Variants in CCDC66 observed in about 807,000 individuals in gnomAD.
CCDC66 encodes the protein coiled-coil domain-containing protein 66.
A neutral mutation model predicts 128.3 loss-of-function variants in CCDC66; 133 were observed. That is an observed-to-expected ratio of 1.04 (90% CI 0.90 to 1.20). The LOEUF (loss-of-function observed/expected upper bound fraction) is 1.20, where lower values mean the gene tolerates loss of function less well. Ranked by LOEUF, CCDC66 falls within the 50% of genes most tolerant of loss-of-function variation. CCDC66 has a pLI of 0.00. For synonymous variants in CCDC66, 387 were observed against 357.0 expected (o/e 1.08, Z -0.95); for missense variants, 1,126 against 1,075.5 (o/e 1.05, Z -0.66).
At chr3:56,583,414 G>T (rs1386281182) in intron 7 of CCDC66, among the ~76,000 whole-genome samples, 3 of 151,894 alleles carry the variant, frequency 2.0e-5, no homozygotes, top group Non-Finnish European at 4.4e-5. Flanking sequence ...GTGAACAAAG[G>T]TCTCTGGTTC....
At chr3:56,582,371 C>T (rs190409596) in intron 7 of CCDC66, among the ~76,000 whole-genome samples, 2 of 151,776 alleles carry the variant, frequency 1.3e-5, no homozygotes, top group East Asian at 2.0e-4. Context: ...CAGGGTGAGG[C>T]GATGCCCCAC....
At chr3:56,593,460 A>G (rs2071298797) in intron 8 of CCDC66, 31 bp from the exon 9 acceptor site, 2 of 1,602,146 alleles carry the variant, frequency 1.2e-6, no homozygotes, top group South Asian at 1.1e-5. Flanking sequence ...AATTGGAAAA[A>G]TTCTTAGCAA....
chr3:56,621,612 A>AT lies in CCDC66; in HGVS notation c.2845dup (p.Ter949LeufsTer11). The AT allele has an allele frequency of 6.3e-7, 1 of 1,594,564 alleles. No individual in the cohort carries two copies. The highest frequency in any genetic ancestry group is 8.5e-7 in the Non-Finnish European group (1 of 1,170,488). On this transcript the variant is annotated frameshift_variant, in exon 18 of 18. Transcript: ENST00000394672. LOFTEE classifies it high-confidence loss of function. The stretch of plus-strand genomic sequence containing the variant: ...ATCAAGAAGAGAGTTTTGGTTCTTC[A>AT]TTTTAAATGTAGAAAATCAAATCCT...
intron 7 of CCDC66, among the ~76,000 whole-genome samples, chr3:56,587,818 G>A (rs1345510270): frequency 3.9e-5 from 6 of 152,070 alleles, no homozygotes; most frequent in African/African-American, 7.2e-5. Context: ...GCAGTGAGCC[G>A]AGATCGCACC....
At chr3:56,567,710 T>C (rs1431662330) in intron 6 of CCDC66, among the ~76,000 whole-genome samples, 3 of 152,006 alleles carry the variant, frequency 2.0e-5, no homozygotes, top group African/African-American at 7.3e-5. Flanking sequence ...TTTTGTTTTT[T>C]GAGATGGGGT....
intron 10 of CCDC66, among the ~76,000 whole-genome samples, chr3:56,599,570 T>A (rs2072776444): frequency 6.6e-6 from 1 of 152,016 alleles, no homozygotes; most frequent in African/African-American, 2.4e-5. Context: ...CTGTATCCCA[T>A]AGGTTTTGGT....
intron 10 of CCDC66, among the ~76,000 whole-genome samples, chr3:56,612,356 T>A (rs1190716980): frequency 5.3e-5 from 8 of 152,146 alleles, no homozygotes; most frequent in African/African-American, 1.9e-4. Flanking sequence ...TGTGGTAAAG[T>A]TTTGTTGTGA....
intron 3 of CCDC66, chr3:56,561,113 C>T (rs1444885592): frequency 2.3e-6 from 1 of 430,796 alleles, no homozygotes; most frequent in East Asian, 7.0e-5. Context: ...TCACAGACTA[C>T]AGATTGTATG....
chr3:56,597,745 A>T, intron 10 of CCDC66, among the ~76,000 whole-genome samples: 1 of 122,144 alleles, frequency 8.2e-6, no homozygotes, highest in East Asian at 2.6e-4. Context: ...ATCAGATGTG[A>T]GGTTTTTGTG....
Position 56,576,727 on chromosome 3 carries a change from G to GA in CCDC66, c.936+5426dup, listed in dbSNP as rs1162613422. The stretch of plus-strand genomic sequence containing the variant: ...CAGCTTCATCCATGTCCCTACAAAG[G>GA]ACATGAACTCATCTTTTTTATGGCT... On this transcript the variant is annotated intron_variant, in intron 7 of 17. Transcript: ENST00000394672. 1.3e-5 allele frequency among the ~76,000 whole-genome samples: 2 copies of GA among 151,570 alleles called. 1 individual carries two copies. Among genetic ancestry groups the GA allele is most frequent in the East Asian group, 4.0e-4 (2 of 5,014 alleles).
Position 56,557,202 on chromosome 3 carries a change from A to G in CCDC66, c.-41A>G, listed in dbSNP as rs1193761998. On this transcript the variant is annotated 5_prime_UTR_variant, in exon 1 of 18. Coordinates refer to ENST00000394672, the MANE Select transcript of CCDC66 (RefSeq NM_001141947.3). The stretch of plus-strand genomic sequence containing the variant: ...GCGGCGGCGGCAACCGACGTACACA[A>G]GGGGCTTGAGCGTTCTGTGGAGAGA... The G allele has an allele frequency of 1.9e-6, 3 of 1,551,160 alleles. No individual in the cohort carries two copies. The highest frequency in any genetic ancestry group is 2.6e-6 in the Non-Finnish European group (3 of 1,146,952).
In CCDC66 at chr3:56,563,895, T is replaced by A; in HGVS notation, c.314T>A (p.Leu105His). Residue 105 changes from leucine to histidine, a missense_variant, in exon 4 of 18, where the codon CTT becomes CAT. Coordinates refer to ENST00000394672, the MANE Select transcript of CCDC66 (RefSeq NM_001141947.3). ...LCKQCIDKDC[L>H]HIQKEISPAT... Reference sequence around the variant, plus strand: ...AAACAATGTATAGATAAAGACTGTCTTCATATCCAGAAAGAGATTTCACCT... The same window carrying A: ...AAACAATGTATAGATAAAGACTGTCATCATATCCAGAAAGAGATTTCACCT... The A allele has an allele frequency of 6.2e-7, 1 of 1,612,476 alleles. No individual in the cohort carries two copies. The highest frequency in any genetic ancestry group is 8.5e-7 in the Non-Finnish European group (1 of 1,178,904).
At chr3:56,605,229 C>T (rs924111694) in intron 10 of CCDC66, among the ~76,000 whole-genome samples, 12 of 151,974 alleles carry the variant, frequency 7.9e-5, no homozygotes, top group African/African-American at 2.7e-4. Flanking sequence ...TCCTTTAGCT[C>T]GGAGGAGTTT....
Position 56,619,454 on chromosome 3 carries a change from GATCT to G in CCDC66, c.2565_2568del (p.Tyr856ThrfsTer46), listed in dbSNP as rs749355499. On this transcript the variant is annotated frameshift_variant, in exon 16 of 18. Coordinates refer to ENST00000394672, the MANE Select transcript of CCDC66 (RefSeq NM_001141947.3). LOFTEE classifies it high-confidence loss of function. ...TTATTCCGTATGTTCGAACAAATGA[GATCT>G]ATTACCTTGATCCCGATGCACCATT... 1.9e-6 allele frequency: 3 copies of G among 1,613,888 alleles called. No homozygotes were observed. Among genetic ancestry groups the G allele is most frequent in the African/African-American group, 2.7e-5 (2 of 74,882 alleles).
intron 14 of CCDC66, 24 bp from the exon 15 acceptor site, chr3:56,618,148 T>C (rs374562534): frequency 4.4e-6 from 7 of 1,586,640 alleles, no homozygotes; most frequent in Non-Finnish European, 6.1e-6. Context: ...TATTCCTTTC[T>C]GCATTTATCT....
intron 7 of CCDC66, among the ~76,000 whole-genome samples, chr3:56,574,124 G>A (rs557588315): frequency 2.7e-4 from 41 of 151,706 alleles, no homozygotes; most frequent in Admixed American, 2.2e-3. Flanking sequence ...AGCACTTTGG[G>A]AGGCCGAGGT....
intron 10 of CCDC66, among the ~76,000 whole-genome samples, chr3:56,610,188 T>C (rs2074600763): frequency 6.6e-6 from 1 of 152,206 alleles, no homozygotes; most frequent in Non-Finnish European, 1.5e-5. Context: ...TTTAGAATTG[T>C]CTTCTCCCTC....
intron 7 of CCDC66, among the ~76,000 whole-genome samples, chr3:56,587,256 A>G (rs993285939): frequency 6.6e-6 from 1 of 152,008 alleles, no homozygotes; most frequent in African/African-American, 2.4e-5. Context: ...AAAAGTCTCA[A>G]CAAATTTCAT....
intron 7 of CCDC66, among the ~76,000 whole-genome samples, chr3:56,585,006 C>T (rs2069370870): frequency 6.6e-6 from 1 of 151,296 alleles, no homozygotes; most frequent in South Asian, 2.1e-4. Context: ...GCGGGAGAAT[C>T]AGGCAGGGAG....
Sources: gnomAD v4.1 joint callset for allele counts (sites outside exome capture counted in the v4.1 genomes callset) on GRCh38, gnomAD v4.1.1 for gene constraint, MANE v1.5 for transcripts, NCBI Gene and HGNC (gene_info 2026-07-23, HGNC 2026-07-21) for gene names.